Variants in ENTREP2 observed in about 807,000 individuals in gnomAD.
The protein encoded by ENTREP2 is protein ENTREP2.
At chr15:29,307,212 T>C in the ENTREP2 span, among the ~76,000 whole-genome samples, 2 of 152,070 alleles carry the variant, frequency 1.3e-5, no homozygotes, top group Non-Finnish European at 2.9e-5. Context: ...ACAAAAAAAA[T>C]TGACAATTAT....
At chr15:29,585,148 C>G in the ENTREP2 span, among the ~76,000 whole-genome samples, 53 of 152,212 alleles carry the variant, frequency 3.5e-4, no homozygotes, top group Non-Finnish European at 7.1e-4. Context: ...ATATGTACCT[C>G]AGAAAAATAC....
chr15:29,127,395 G>A, the ENTREP2 span, among the ~76,000 whole-genome samples: 31 of 152,264 alleles, frequency 2.0e-4, no homozygotes, highest in Admixed American at 5.2e-4. Flanking sequence ...CCAGGCGTGG[G>A]GGCTTTGGGT....
the ENTREP2 span, among the ~76,000 whole-genome samples, chr15:29,650,608 C>CTG: frequency 0.063 from 9,013 of 143,932 alleles, 320 homozygotes; most frequent in African/African-American, 0.091. Flanking sequence ...AAACAAAAAA[C>CTG]AAAAAAAAAA....
the ENTREP2 span, among the ~76,000 whole-genome samples, chr15:29,511,344 C>CTTTT: frequency 7.3e-6 from 1 of 136,854 alleles, no homozygotes; most frequent in African/African-American, 2.7e-5. Flanking sequence ...TTTTTCTTTT[C>CTTTT]TTTTTTTTTT....
the ENTREP2 span, among the ~76,000 whole-genome samples, chr15:29,133,635 T>TA: frequency 6.6e-6 from 1 of 152,216 alleles, no homozygotes; most frequent in Non-Finnish European, 1.5e-5. Context: ...ACTGCTGGTT[T>TA]TGGCAAATCC....
At chr15:29,177,339 A>G in the ENTREP2 span, among the ~76,000 whole-genome samples, 1 of 152,256 alleles carries the variant, frequency 6.6e-6, no homozygotes, top group African/African-American at 2.4e-5. Flanking sequence ...TACACTGAAC[A>G]GCAAGACTGC....
At chr15:29,212,964 TG>T in the ENTREP2 span, among the ~76,000 whole-genome samples, 1 of 152,262 alleles carries the variant, frequency 6.6e-6, no homozygotes, top group African/African-American at 2.4e-5. Flanking sequence ...AATTAGATTT[TG>T]TATAAGGTGT....
At chr15:29,390,016 G>A in the ENTREP2 span, among the ~76,000 whole-genome samples, 5 of 151,702 alleles carry the variant, frequency 3.3e-5, no homozygotes, top group Non-Finnish European at 7.4e-5. Flanking sequence ...CCCTAATGAC[G>A]GAGGGCCTGC....
the ENTREP2 span, among the ~76,000 whole-genome samples, chr15:29,411,401 C>T: frequency 1.3e-5 from 2 of 152,092 alleles, no homozygotes; most frequent in African/African-American, 2.4e-5. Context: ...TAGGTGTAAA[C>T]GATTTCTCTC....
the ENTREP2 span, among the ~76,000 whole-genome samples, chr15:29,405,745 C>T: frequency 6.6e-6 from 1 of 152,200 alleles, no homozygotes; most frequent in South Asian, 2.1e-4. Context: ...GAGCAAGGGC[C>T]TGGTGCCATG....
At chr15:29,440,216 T>C in the ENTREP2 span, among the ~76,000 whole-genome samples, 1 of 152,156 alleles carries the variant, frequency 6.6e-6, no homozygotes, top group Non-Finnish European at 1.5e-5. Flanking sequence ...TGTAGTTTAG[T>C]TATTTTTAGT....
At chr15:29,665,692 G>A in the ENTREP2 span, among the ~76,000 whole-genome samples, 1 of 152,082 alleles carries the variant, frequency 6.6e-6, no homozygotes, top group Non-Finnish European at 1.5e-5. Context: ...GGGGAAAGCA[G>A]GGAGGCCACA....
chr15:29,542,894 G>A, the ENTREP2 span, among the ~76,000 whole-genome samples: 1 of 152,186 alleles, frequency 6.6e-6, no homozygotes, highest in Non-Finnish European at 1.5e-5. Flanking sequence ...GTCATAGTAT[G>A]TGTCAGAATT....
the ENTREP2 span, among the ~76,000 whole-genome samples, chr15:29,350,643 TTAA>T: frequency 3.9e-5 from 6 of 152,184 alleles, no homozygotes; most frequent in Non-Finnish European, 8.8e-5. Context: ...GCAATAATTA[TTAA>T]TATTTCATAA....
chr15:29,477,837 G>C, the ENTREP2 span, among the ~76,000 whole-genome samples: 1 of 151,768 alleles, frequency 6.6e-6, no homozygotes, highest in African/African-American at 2.4e-5. Context: ...GGTAAGAATG[G>C]ACTGGATGGC....
chr15:29,153,499 T>C, the ENTREP2 span, among the ~76,000 whole-genome samples: 24,652 of 152,104 alleles, frequency 0.16, 3,890 homozygotes, highest in African/African-American at 0.41. Flanking sequence ...TAAAAGTGTA[T>C]TAATCCCATC....
At chr15:29,379,796 G>A in the ENTREP2 span, among the ~76,000 whole-genome samples, 1 of 152,104 alleles carries the variant, frequency 6.6e-6, no homozygotes, top group Non-Finnish European at 1.5e-5. Context: ...GGCGCGCGGG[G>A]GTGATTGGGT....
At chr15:29,633,271 A>C in the ENTREP2 span, among the ~76,000 whole-genome samples, 2 of 152,194 alleles carry the variant, frequency 1.3e-5, no homozygotes, top group Non-Finnish European at 2.9e-5. Context: ...CTGAATAAGC[A>C]CATGTACCAG....
At chr15:29,413,584 T>C in the ENTREP2 span, among the ~76,000 whole-genome samples, 1 of 152,290 alleles carries the variant, frequency 6.6e-6, no homozygotes, top group African/African-American at 2.4e-5. Context: ...TACACAAAAA[T>C]CTACAATTTC....
Sources: allele counts gnomAD v4.1 joint callset (sites outside exome capture counted in the v4.1 genomes callset), GRCh38; gene constraint gnomAD v4.1.1; transcripts MANE v1.5; gene names NCBI Gene and HGNC (gene_info 2026-07-23, HGNC 2026-07-21).